Variants in RBFOX1 observed in about 807,000 individuals in gnomAD.
RBFOX1 encodes the protein RNA binding fox-1 homolog 1, also known as RNA binding protein fox-1 homolog 1.
Under a neutral mutation model 57.7 loss-of-function variants are expected in RBFOX1, and 8 were observed. The ratio of observed to expected loss-of-function variants is 0.14; its 90% CI spans 0.08 to 0.25. RBFOX1 has a LOEUF of 0.25. RBFOX1 is among the 10% of genes least tolerant of loss of function. RBFOX1 has a pLI of 1.00. For missense variants in RBFOX1, 611 were observed against 548.5 expected, an observed-to-expected ratio of 1.11 and a Z score of -1.14; for synonymous variants, 326 against 222.4, an observed-to-expected ratio of 1.47 and a Z score of -4.15.
chr16:7,521,377 C>T (rs2077482982), intron 5 of RBFOX1, among the ~76,000 whole-genome samples: 1 of 152,130 alleles, frequency 6.6e-6, no homozygotes, highest in African/African-American at 2.4e-5. Context: ...AATGGGAAAC[C>T]ATTAAAAAGA....
chr16:7,416,270 C>T (rs910103083), intron 4 of RBFOX1, among the ~76,000 whole-genome samples: 1 of 152,230 alleles, frequency 6.6e-6, no homozygotes, highest in African/African-American at 2.4e-5. Context: ...TTCTGTGTCT[C>T]TCAGACTACT....
Position 5,735,245 on chromosome 16 carries a change from C to T in RBFOX1, c.319-132058C>T, listed in dbSNP as rs990330365. 7.9e-5 allele frequency among the ~76,000 whole-genome samples: 12 copies of T among 152,184 alleles called. 1 individual carries two copies. In the South Asian group the frequency reaches 2.5e-3, roughly 32 times the overall value. On this transcript the variant is annotated intron_variant, in intron 3 of 19. Coordinates refer to the RBFOX1 transcript ENST00000641259. Reference sequence around the variant, plus strand: ...GGAAGGGGTCAGGACCCTCCATGGGCACCAAGGAGACGTCTTCAAGCCACT... The same window carrying T: ...GGAAGGGGTCAGGACCCTCCATGGGTACCAAGGAGACGTCTTCAAGCCACT...
chr16:6,162,832 C>CA (rs1162448843), intron 1 of RBFOX1, among the ~76,000 whole-genome samples: 1 of 152,150 alleles, frequency 6.6e-6, no homozygotes, highest in Non-Finnish European at 1.5e-5. Context: ...CTCCCAGGTT[C>CA]AAGCAATTCT....
chr16:5,886,063 G>GT (rs1352318357), intron 4 of RBFOX1, among the ~76,000 whole-genome samples: 2 of 152,100 alleles, frequency 1.3e-5, no homozygotes, highest in Non-Finnish European at 1.5e-5. Flanking sequence ...CCGCTCTGCC[G>GT]TATCAAAATG....
At chr16:7,343,855 G>T (rs1024847582) in intron 4 of RBFOX1, among the ~76,000 whole-genome samples, 4 of 152,062 alleles carry the variant, frequency 2.6e-5, no homozygotes, top group Admixed American at 6.6e-5. Context: ...CACCCTCTTT[G>T]AGTGGTTGTT....
At chr16:5,984,268 C>T (rs561837850) in intron 4 of RBFOX1, among the ~76,000 whole-genome samples, 32 of 145,262 alleles carry the variant, frequency 2.2e-4, no homozygotes, top group African/African-American at 8.0e-4. Context: ...TATTTCTTTT[C>T]TGCTGCCTAA....
intron 1 of RBFOX1, among the ~76,000 whole-genome samples, chr16:6,078,966 C>G (rs1343684307): frequency 6.6e-6 from 1 of 152,120 alleles, no homozygotes; most frequent in Non-Finnish European, 1.5e-5. Flanking sequence ...CCACAGATAG[C>G]CTTTATTATA....
intron 3 of RBFOX1, among the ~76,000 whole-genome samples, chr16:6,862,134 C>T (rs1230426075): frequency 6.6e-6 from 1 of 152,096 alleles, no homozygotes. Flanking sequence ...GCAACAATAA[C>T]AACAAAAGAG....
chr16:7,473,762 G>T (rs74010514), intron 4 of RBFOX1, among the ~76,000 whole-genome samples: 1,783 of 152,124 alleles, frequency 0.012, 34 homozygotes, highest in African/African-American at 0.041. Context: ...CTTCTTGGCT[G>T]TGTTCATACA....
In RBFOX1 at chr16:5,977,841, C is replaced by A. The variant is rs575401451; in HGVS notation, c.351+110506C>A. The stretch of plus-strand genomic sequence containing the variant: ...TTCTCTAGGTTTTCTACTCAAAAAG[C>A]CTTTTTTGGCTTTTTGAGTCGAAAT... On this transcript the variant is annotated intron_variant, in intron 4 of 19. Transcript: ENST00000641259. 7.6e-4 allele frequency among the ~76,000 whole-genome samples: 115 copies of A among 152,174 alleles called. 1 individual carries two copies. Among genetic ancestry groups the A allele is most frequent in the Non-Finnish European group, 1.3e-3 (87 of 68,006 alleles).
chr16:7,351,752 C>A (rs933598492), intron 4 of RBFOX1, among the ~76,000 whole-genome samples: 3 of 152,184 alleles, frequency 2.0e-5, no homozygotes, highest in African/African-American at 7.2e-5. Flanking sequence ...AGCTGACTTA[C>A]TGTGGTACAA....
chr16:6,524,327 G>A (rs1159691399), intron 2 of RBFOX1, among the ~76,000 whole-genome samples: 4 of 152,252 alleles, frequency 2.6e-5, no homozygotes, highest in East Asian at 1.9e-4. Context: ...ACTGTATCTC[G>A]TTCCTTTATA....
At chr16:6,264,276 A>C (rs1003944774) in intron 1 of RBFOX1, among the ~76,000 whole-genome samples, 1 of 152,184 alleles carries the variant, frequency 6.6e-6, no homozygotes, top group Non-Finnish European at 1.5e-5. Context: ...GGAAGTATGC[A>C]ACCGTTTCCA....
intron 3 of RBFOX1, among the ~76,000 whole-genome samples, chr16:6,997,467 T>C (rs1012633715): frequency 6.6e-6 from 1 of 152,180 alleles, no homozygotes; most frequent in Non-Finnish European, 1.5e-5. Flanking sequence ...AGCAATAAAC[T>C]TTAAGTTAAT....
At chr16:7,005,392 C>A (rs2153642245) in intron 3 of RBFOX1, among the ~76,000 whole-genome samples, 1 of 152,154 alleles carries the variant, frequency 6.6e-6, no homozygotes, top group East Asian at 1.9e-4. Context: ...AAGGAAACAT[C>A]CCAATACAGT....
intron 4 of RBFOX1, among the ~76,000 whole-genome samples, chr16:7,220,181 A>G (rs1317041): frequency 0.43 from 66,024 of 152,036 alleles, 15,372 homozygotes; most frequent in East Asian, 0.66. Flanking sequence ...ACAAAAGTGC[A>G]GGAGGAAAAT....
chr16:7,395,502 G>C (rs532071943), intron 4 of RBFOX1, among the ~76,000 whole-genome samples: 1 of 152,166 alleles, frequency 6.6e-6, no homozygotes, highest in Admixed American at 6.5e-5. Flanking sequence ...AAATTGTTTT[G>C]TTGGACGGAA....
intron 4 of RBFOX1, among the ~76,000 whole-genome samples, chr16:7,492,088 A>G (rs1353742508): frequency 6.6e-6 from 1 of 152,152 alleles, no homozygotes; most frequent in Admixed American, 6.5e-5. Context: ...TTCAGCATTA[A>G]ATTTACCATG....
intron 14 of RBFOX1, among the ~76,000 whole-genome samples, chr16:7,692,268 G>A (rs1266411840): frequency 6.6e-6 from 1 of 152,116 alleles, no homozygotes; most frequent in Non-Finnish European, 1.5e-5. Flanking sequence ...TATTGGTGTA[G>A]AAATGACTAG....
Sources: gnomAD v4.1 joint callset for allele counts (sites outside exome capture counted in the v4.1 genomes callset) on GRCh38, gnomAD v4.1.1 for gene constraint, MANE v1.5 for transcripts, NCBI Gene and HGNC (gene_info 2026-07-23, HGNC 2026-07-21) for gene names.